IL1RAPL2: variants seen among roughly 807,000 people sequenced by gnomAD.
The protein encoded by IL1RAPL2 is X-linked interleukin-1 receptor accessory protein-like 2.
Under a neutral mutation model 44.1 loss-of-function variants are expected in IL1RAPL2, and 3 were observed. The ratio of observed to expected loss-of-function variants is 0.07; its 90% confidence interval spans 0.03 to 0.18. The LOEUF (loss-of-function observed/expected upper bound fraction) is 0.18, where lower values mean the gene tolerates loss of function less well. IL1RAPL2 is among the 10% of genes least tolerant of loss of function. The probability of loss-of-function intolerance (pLI) is 1.00; values close to 1 mark genes in which losing one functional copy is unlikely to be tolerated. For missense variants in IL1RAPL2, 391 were observed against 496.4 expected (o/e 0.79, Z 2.02); for synonymous variants, 181 against 178.8 (o/e 1.01, Z -0.10).
intron 2 of IL1RAPL2, among the ~76,000 whole-genome samples, chrX:104,934,147 CTT>C (rs772178603): frequency 9.0e-6 from 1 of 111,094 alleles, no homozygotes; most frequent in South Asian, 3.7e-4. Context: ...TCATGTGACA[CTT>C]ATAAAATTTT....
intron 5 of IL1RAPL2, among the ~76,000 whole-genome samples, chrX:105,334,560 C>T (rs896338597): frequency 2.7e-5 from 3 of 111,695 alleles, no homozygotes; most frequent in Non-Finnish European, 3.8e-5. Context: ...GGATGGATAT[C>T]CCATGCTCCA....
At chrX:104,892,996 T>C (rs1330491159) in intron 2 of IL1RAPL2, among the ~76,000 whole-genome samples, 1 of 112,053 alleles carries the variant, frequency 8.9e-6, no homozygotes, top group Non-Finnish European at 1.9e-5. Context: ...TGTTGTGTCT[T>C]TTTTCTCATT....
chrX:105,311,609 CAT>C (rs2034797136), intron 5 of IL1RAPL2, among the ~76,000 whole-genome samples: 2 of 89,429 alleles, frequency 2.2e-5, no homozygotes, highest in Admixed American at 2.6e-4. Flanking sequence ...ATTATACATA[CAT>C]ACACACACAC....
At chrX:105,738,514 A>G (rs1296101213) in intron 7 of IL1RAPL2, among the ~76,000 whole-genome samples, 1 of 111,459 alleles carries the variant, frequency 9.0e-6, no homozygotes, top group Non-Finnish European at 1.9e-5. Context: ...AAAGAAGATG[A>G]GAATTACTTC....
At chrX:105,286,546 G>A (rs1442142131) in intron 5 of IL1RAPL2, among the ~76,000 whole-genome samples, 1 of 104,896 alleles carries the variant, frequency 9.5e-6, no homozygotes, top group Non-Finnish European at 1.9e-5. Context: ...AAAAAAATGA[G>A]AATCAGCTGA....
intron 1 of IL1RAPL2, among the ~76,000 whole-genome samples, chrX:104,592,706 G>A (rs1474354646): frequency 9.0e-6 from 1 of 111,544 alleles, no homozygotes; most frequent in Admixed American, 9.6e-5. Flanking sequence ...GTAACCACAA[G>A]GCATTTCCCC....
At chrX:104,859,272 G>A (rs1237781736) in intron 2 of IL1RAPL2, among the ~76,000 whole-genome samples, 1 of 111,498 alleles carries the variant, frequency 9.0e-6, no homozygotes, top group Non-Finnish European at 1.9e-5. Flanking sequence ...AAAAGGAGAC[G>A]ATGAAGATTT....
chrX:105,174,791 A>C (rs1230715365), intron 2 of IL1RAPL2, among the ~76,000 whole-genome samples: 3 of 111,465 alleles, frequency 2.7e-5, no homozygotes, highest in African/African-American at 9.8e-5. Flanking sequence ...AGCACCTTCA[A>C]TGTCACCCAC....
chrX:105,447,723 A>T (rs1362248304), intron 5 of IL1RAPL2, among the ~76,000 whole-genome samples: 1 of 85,224 alleles, frequency 1.2e-5, no homozygotes. Flanking sequence ...AAATATAAAT[A>T]TATAAATGTA....
chrX:104,745,702 C>CT (rs1932162753), intron 2 of IL1RAPL2, among the ~76,000 whole-genome samples: 1 of 111,427 alleles, frequency 9.0e-6, no homozygotes, highest in Admixed American at 9.5e-5. Flanking sequence ...TCAGATTAAG[C>CT]AAAATTTTAT....
intron 2 of IL1RAPL2, among the ~76,000 whole-genome samples, chrX:104,918,623 A>G (rs1347117730): frequency 1.2e-4 from 14 of 112,094 alleles, no homozygotes; most frequent in Admixed American, 1.0e-3. Flanking sequence ...AGTTATCACT[A>G]TTCAAAATGT....
chrX:104,919,652 C>T (rs1019970523), intron 2 of IL1RAPL2, among the ~76,000 whole-genome samples: 1 of 106,113 alleles, frequency 9.4e-6, no homozygotes, highest in African/African-American at 3.5e-5. Flanking sequence ...TGCCCTTAGC[C>T]TCCCGAGTAG....
intron 6 of IL1RAPL2, among the ~76,000 whole-genome samples, chrX:105,519,654 G>T (rs2036541326): frequency 9.0e-6 from 1 of 111,224 alleles, no homozygotes; most frequent in South Asian, 3.9e-4. Flanking sequence ...AGGACAGTTT[G>T]GGAAGAGTAA....
intron 9 of IL1RAPL2, chrX:105,753,132 C>T: frequency 3.6e-6 from 1 of 279,749 alleles, no homozygotes; most frequent in Non-Finnish European, 6.9e-6. Flanking sequence ...ATAGGTGGAG[C>T]CAGTAAGGAC....
intron 3 of IL1RAPL2, among the ~76,000 whole-genome samples, chrX:105,217,187 T>A (rs2033868840): frequency 9.3e-6 from 1 of 107,083 alleles, no homozygotes; most frequent in South Asian, 4.1e-4. Context: ...TGGGAGAAAA[T>A]TTTTGCAATC....
chrX:105,081,909 C>T (rs1012005855), intron 2 of IL1RAPL2, among the ~76,000 whole-genome samples: 1 of 112,059 alleles, frequency 8.9e-6, no homozygotes, highest in Non-Finnish European at 1.9e-5. Flanking sequence ...CATCAAAGTT[C>T]ATCAGGGATA....
chrX:104,740,660 G>A (rs1283550970), intron 2 of IL1RAPL2, among the ~76,000 whole-genome samples: 2 of 109,870 alleles, frequency 1.8e-5, no homozygotes, highest in East Asian at 2.9e-4. Flanking sequence ...GTTATTTATC[G>A]GGGAAACTCA....
At chrX:105,172,656 C>T (rs1411042316) in intron 2 of IL1RAPL2, among the ~76,000 whole-genome samples, 2 of 111,830 alleles carry the variant, frequency 1.8e-5, no homozygotes, top group Admixed American at 1.9e-4. Context: ...CTCTCTTCTG[C>T]AACTCGAGAA....
intron 5 of IL1RAPL2, among the ~76,000 whole-genome samples, chrX:105,302,994 T>C (rs2034708256): frequency 1.8e-5 from 2 of 111,646 alleles, no homozygotes; most frequent in African/African-American, 6.5e-5. Flanking sequence ...AGTTCTGCCC[T>C]ATATTGCTTT....
Sources: allele counts gnomAD v4.1 joint callset (sites outside exome capture counted in the v4.1 genomes callset), GRCh38; gene constraint gnomAD v4.1.1; transcripts MANE v1.5; gene names NCBI Gene and HGNC (gene_info 2026-07-23, HGNC 2026-07-21).